FOCAD: variants seen among roughly 807,000 people sequenced by gnomAD.
FOCAD encodes KIAA1797.
Under a neutral mutation model 225.6 loss-of-function variants are expected in FOCAD, and 198 were observed. That is an observed-to-expected ratio of 0.88 (90% CI 0.78 to 0.99). The LOEUF (loss-of-function observed/expected upper bound fraction) is 0.99, where lower values mean the gene tolerates loss of function less well. Among genes scored for constraint, FOCAD ranks in the 50% least tolerant of loss-of-function variants. The pLI is 0.00. For synonymous variants in FOCAD, 897 were observed against 755.0 expected, an observed-to-expected ratio of 1.19 and a Z score of -3.08; for missense variants, 2,713 against 2,123.6, an observed-to-expected ratio of 1.28 and a Z score of -5.46.
At chr9:20,884,530 C>T (rs1275066476) in intron 20 of FOCAD, among the ~76,000 whole-genome samples, 1 of 152,058 alleles carries the variant, frequency 6.6e-6, no homozygotes, top group Non-Finnish European at 1.5e-5. Flanking sequence ...CTCCTGACCT[C>T]AAGTGATCTG....
chr9:20,975,323 T>C (rs1840135690), intron 35 of FOCAD, among the ~76,000 whole-genome samples: 1 of 152,180 alleles, frequency 6.6e-6, no homozygotes, highest in Admixed American at 6.6e-5. Flanking sequence ...ACACTTCCTT[T>C]AAATAGGAAT....
chr9:20,741,071 G>A (rs148941070), intron 5 of FOCAD, among the ~76,000 whole-genome samples: 330 of 152,266 alleles, frequency 2.2e-3, no homozygotes, highest in Admixed American at 5.2e-3. Flanking sequence ...CATTCAGAAT[G>A]TGTCTGCTTC....
At chr9:20,812,499 G>GT (rs899967910) in intron 11 of FOCAD, among the ~76,000 whole-genome samples, 5 of 151,878 alleles carry the variant, frequency 3.3e-5, no homozygotes, top group Non-Finnish European at 7.4e-5. Flanking sequence ...CAACGTGTAT[G>GT]TTTTTTTCTG....
At chr9:20,773,566 C>T (rs1181571403) in intron 8 of FOCAD, among the ~76,000 whole-genome samples, 1 of 152,288 alleles carries the variant, frequency 6.6e-6, no homozygotes, top group Admixed American at 6.5e-5. Flanking sequence ...AGAAGTTCTC[C>T]ACAAGCCCAG....
Position 20,770,127 on chromosome 9 carries a change from T to C in FOCAD, c.795T>C (p.Leu265=). 1 of 1,614,112 alleles carries C rather than the reference T, an allele frequency of 6.2e-7. No homozygotes were observed. The highest frequency in any genetic ancestry group is 8.5e-7 in the Non-Finnish European group (1 of 1,179,986). Residue 265 remains leucine, a synonymous_variant, in exon 8 of 44, where the codon CTT becomes CTC. Coordinates refer to ENST00000338382, the MANE Select transcript of FOCAD (RefSeq NM_001375567.1). ...ATCCTGTTTTCTGGAAAATTCAGCT[T>C]ACCCAGATGAGTCTTCAGCTGCTGT... is the stretch of plus-strand genomic sequence containing the variant. The part of the protein sequence containing the change: ...LRHPVFWKIQ[L]TQMSLQLLCV...
intron 1 of FOCAD, among the ~76,000 whole-genome samples, chr9:20,688,437 T>C (rs1003183108): frequency 1.3e-5 from 2 of 152,104 alleles, no homozygotes; most frequent in African/African-American, 4.8e-5. Flanking sequence ...ATCAGATGTA[T>C]GGGGAGAATA....
intron 1 of FOCAD, among the ~76,000 whole-genome samples, chr9:20,706,002 C>A (rs1378247176): frequency 1.4e-5 from 2 of 145,184 alleles, no homozygotes; most frequent in African/African-American, 5.1e-5. Context: ...TGGCACAATC[C>A]TGGCTCTCTG....
intron 1 of FOCAD, among the ~76,000 whole-genome samples, chr9:20,711,086 C>T (rs1000129699): frequency 6.6e-6 from 1 of 152,170 alleles, no homozygotes; most frequent in South Asian, 2.1e-4. Flanking sequence ...TTACATGTGC[C>T]TCAGACCAAA....
At chr9:20,920,640 A>C (rs1402247421) in intron 24 of FOCAD, among the ~76,000 whole-genome samples, 5 of 150,634 alleles carry the variant, frequency 3.3e-5, no homozygotes, top group African/African-American at 1.2e-4. Flanking sequence ...GCCATAAAAA[A>C]GGATGAGTTC....
At chr9:20,832,752 C>G (rs1825634556) in intron 15 of FOCAD, among the ~76,000 whole-genome samples, 1 of 152,056 alleles carries the variant, frequency 6.6e-6, no homozygotes, top group Non-Finnish European at 1.5e-5. Flanking sequence ...ATAATGCCCT[C>G]TAGTTTCATC....
At chr9:20,782,070 A>C in intron 10 of FOCAD, 141 bp downstream of exon 10, 1 of 695,700 alleles carries the variant, frequency 1.4e-6, no homozygotes. Context: ...GGAGATCTCA[A>C]CATATTCTTC....
At chr9:20,979,013 T>G (rs940556181) in intron 37 of FOCAD, among the ~76,000 whole-genome samples, 2 of 152,096 alleles carry the variant, frequency 1.3e-5, no homozygotes, top group African/African-American at 4.8e-5. Flanking sequence ...AATGACCGAG[T>G]CTGGTGTTTT....
intron 11 of FOCAD, among the ~76,000 whole-genome samples, chr9:20,796,283 A>ATG (rs1470015140): frequency 6.6e-6 from 1 of 152,210 alleles, no homozygotes; most frequent in African/African-American, 2.4e-5. Flanking sequence ...ATACGTGTGC[A>ATG]TGTGTCTTTA....
chr9:20,788,726 G>A (rs1363547316), intron 10 of FOCAD, among the ~76,000 whole-genome samples: 1 of 152,158 alleles, frequency 6.6e-6, no homozygotes. Context: ...GGCCCCGACT[G>A]CACTGCTTTA....
chr9:20,900,011 A>C (rs1252558778), intron 21 of FOCAD, among the ~76,000 whole-genome samples: 2 of 151,888 alleles, frequency 1.3e-5, no homozygotes, highest in Non-Finnish European at 2.9e-5. Context: ...CTCCAAGCTC[A>C]AGTGGCGTTC....
chr9:20,859,018 G>C (rs900633325), intron 15 of FOCAD, among the ~76,000 whole-genome samples: 1 of 152,064 alleles, frequency 6.6e-6, no homozygotes, highest in African/African-American at 2.4e-5. Context: ...GTCTGTCCTT[G>C]AGAATATTTC....
At chr9:20,734,970 A>G (rs947374526) in intron 4 of FOCAD, among the ~76,000 whole-genome samples, 3 of 152,194 alleles carry the variant, frequency 2.0e-5, no homozygotes, top group African/African-American at 7.2e-5. Flanking sequence ...GGGTCATAGA[A>G]GCAGAATTTA....
At chr9:20,848,017 G>T (rs565119590) in intron 15 of FOCAD, among the ~76,000 whole-genome samples, 2 of 151,984 alleles carry the variant, frequency 1.3e-5, no homozygotes, top group East Asian at 3.9e-4. Context: ...AAATTATGGG[G>T]TGTAGGAGGT....
chr9:20,702,930 A>G lies in FOCAD; in HGVS notation c.-32-12392A>G, dbSNP rs368713038. 1.5e-4 allele frequency among the ~76,000 whole-genome samples: 23 copies of G among 152,082 alleles called. No homozygotes were observed. In the East Asian group the frequency reaches 4.1e-3, roughly 27 times the overall value. ...TCTTTATTGAATAGGTATTTGTTAT[A>G]TGCTGGGGAGATAGTGGTAAGAGCT... On this transcript the variant is annotated intron_variant, in intron 1 of 43. Coordinates refer to ENST00000338382, the MANE Select transcript of FOCAD (RefSeq NM_001375567.1).
Sources: allele counts gnomAD v4.1 joint callset (sites outside exome capture counted in the v4.1 genomes callset), GRCh38; gene constraint gnomAD v4.1.1; transcripts MANE v1.5; gene names NCBI Gene and HGNC (gene_info 2026-07-23, HGNC 2026-07-21).